Variants in ADARB2 observed in about 807,000 individuals in gnomAD.
ADARB2 encodes adenosine deaminase RNA specific B2 (inactive), also known as inactive double-stranded RNA-specific editase B2.
In ADARB2, 25 loss-of-function variants were observed where a neutral mutation model predicts 62.2. The ratio of observed to expected loss-of-function variants is 0.40; its 90% CI spans 0.29 to 0.56. The LOEUF (loss-of-function observed/expected upper bound fraction) is 0.56, where lower values mean the gene tolerates loss of function less well. Ranked by LOEUF, ADARB2 falls within the 20% of genes least tolerant of loss-of-function variation. The pLI, the probability that ADARB2 is intolerant of heterozygous loss-of-function variation, is 0.43. For missense variants in ADARB2, 1,071 were observed against 1,077.4 expected, an observed-to-expected ratio of 0.99 and a Z score of 0.08; for synonymous variants, 572 against 500.8, an observed-to-expected ratio of 1.14 and a Z score of -1.90.
chr10:1,672,630 T>G (rs1834402944), intron 1 of ADARB2, among the ~76,000 whole-genome samples: 2 of 65,624 alleles, frequency 3.0e-5, no homozygotes, highest in East Asian at 5.6e-4. Flanking sequence ...TGGACACACT[T>G]TCCCCTCCTC....
intron 1 of ADARB2, among the ~76,000 whole-genome samples, chr10:1,714,885 G>A (rs1834997659): frequency 6.6e-6 from 1 of 152,098 alleles, no homozygotes; most frequent in Non-Finnish European, 1.5e-5. Context: ...AAGTTTTAGG[G>A]TACATGTGCA....
intron 3 of ADARB2, among the ~76,000 whole-genome samples, chr10:1,335,033 G>A (rs1422718623): frequency 6.6e-6 from 1 of 152,174 alleles, no homozygotes; most frequent in Non-Finnish European, 1.5e-5. Flanking sequence ...TGGGTTAAGT[G>A]CCCAGGAGCT....
chr10:1,653,231 T>C (rs1466482928), intron 1 of ADARB2, among the ~76,000 whole-genome samples: 1 of 152,170 alleles, frequency 6.6e-6, no homozygotes, highest in East Asian at 1.9e-4. Flanking sequence ...GGAGGGAGAC[T>C]GGTGCCCAGG....
At chr10:1,387,173 G>A (rs796872930) in intron 1 of ADARB2, among the ~76,000 whole-genome samples, 16 of 151,920 alleles carry the variant, frequency 1.1e-4, no homozygotes, top group African/African-American at 2.9e-4. Context: ...ACAAAGAAAC[G>A]TCCAACATTA....
chr10:1,586,151 G>A (rs921306630), intron 1 of ADARB2, among the ~76,000 whole-genome samples: 2 of 152,140 alleles, frequency 1.3e-5, no homozygotes, highest in Non-Finnish European at 2.9e-5. Context: ...CCTTAACCTT[G>A]GCAAAATAAA....
At chr10:1,481,428 T>G (rs1831469086) in intron 1 of ADARB2, among the ~76,000 whole-genome samples, 3 of 152,110 alleles carry the variant, frequency 2.0e-5, no homozygotes, top group Non-Finnish European at 2.9e-5. Context: ...AAAGCATAGG[T>G]GATGAAAGAA....
Position 1,206,063 on chromosome 10 carries a change from G to A in ADARB2, c.1683-5916C>T, listed in dbSNP as rs1281855029. On this transcript the variant is annotated intron_variant, in intron 7 of 9. Transcript: ENST00000381312. ...GTGGGTGGGATATTCAGCCGCTTCCGATTATTTTCAGTAAATTACTTCCAG... is the reference window on the plus strand; with the variant it reads ...GTGGGTGGGATATTCAGCCGCTTCCAATTATTTTCAGTAAATTACTTCCAG... Among the ~76,000 whole-genome samples the A allele has an allele frequency of 2.0e-5, 3 of 152,204 alleles. No homozygotes were observed. The South Asian group carries it at 6.2e-4, about 31-fold the overall frequency.
intron 1 of ADARB2, among the ~76,000 whole-genome samples, chr10:1,414,778 C>T (rs1025286965): frequency 1.6e-4 from 25 of 152,218 alleles, no homozygotes; most frequent in African/African-American, 6.0e-4. Flanking sequence ...TTGTCACCCC[C>T]ATGACCTGGT....
intron 3 of ADARB2, among the ~76,000 whole-genome samples, chr10:1,284,091 C>A (rs1831392006): frequency 1.3e-5 from 2 of 151,962 alleles, no homozygotes; most frequent in East Asian, 3.9e-4. Flanking sequence ...AGGAGTTCAT[C>A]TGTTAATTCA....
At chr10:1,233,252 TG>T (rs2131770026) in intron 6 of ADARB2, among the ~76,000 whole-genome samples, 1 of 152,306 alleles carries the variant, frequency 6.6e-6, no homozygotes, top group South Asian at 2.1e-4. Context: ...ATAGTTCACC[TG>T]GGGAAACCCC....
intron 1 of ADARB2, among the ~76,000 whole-genome samples, chr10:1,488,663 T>G (rs913852505): frequency 1.3e-5 from 2 of 152,190 alleles, no homozygotes; most frequent in Non-Finnish European, 2.9e-5. Flanking sequence ...CTTTTCTTTT[T>G]GGCGAATGCA....
chr10:1,550,540 T>C (rs774702135), intron 1 of ADARB2, among the ~76,000 whole-genome samples: 5 of 152,226 alleles, frequency 3.3e-5, no homozygotes, highest in Non-Finnish European at 5.9e-5. Context: ...ATGGCCCACA[T>C]GGCCCAATTT....
At chr10:1,468,690 G>A (rs1206527392) in intron 1 of ADARB2, among the ~76,000 whole-genome samples, 1 of 152,168 alleles carries the variant, frequency 6.6e-6, no homozygotes, top group Non-Finnish European at 1.5e-5. Flanking sequence ...AACCCATTCT[G>A]GTCCAAGGAC....
At chr10:1,518,985 C>G (rs1406075468) in intron 1 of ADARB2, among the ~76,000 whole-genome samples, 1 of 152,078 alleles carries the variant, frequency 6.6e-6, no homozygotes, top group Non-Finnish European at 1.5e-5. Context: ...GTGGTGTGGT[C>G]ATATGCCTGC....
At chr10:1,531,568 G>A (rs754527888) in intron 1 of ADARB2, among the ~76,000 whole-genome samples, 10 of 152,152 alleles carry the variant, frequency 6.6e-5, no homozygotes, top group South Asian at 2.1e-4. Flanking sequence ...GACTGGGTGC[G>A]GTGGCTCACG....
In ADARB2 at chr10:1,311,184, C is replaced by T. The variant is rs187676562; in HGVS notation, c.1078-40115G>A. ...TCTCAAGCAAACCTCATTTCTCCTT[C>T]CATGGGGAATGGTGGGCACACCAGC... is the stretch of plus-strand genomic sequence containing the variant. On this transcript the variant is annotated intron_variant, in intron 3 of 9. Transcript: ENST00000381312. Among the ~76,000 whole-genome samples the T allele has an allele frequency of 1.1e-4, 17 of 152,340 alleles. No homozygotes were observed. In the East Asian group the frequency reaches 2.5e-3, roughly 23 times the overall value.
chr10:1,449,836 G>A (rs544918238), intron 1 of ADARB2, among the ~76,000 whole-genome samples: 1 of 152,318 alleles, frequency 6.6e-6, no homozygotes, highest in Admixed American at 6.5e-5. Flanking sequence ...ACCTAATTTA[G>A]ATAAACCCTT....
At chr10:1,710,144 T>C (rs538789007) in intron 1 of ADARB2, among the ~76,000 whole-genome samples, 43 of 152,330 alleles carry the variant, frequency 2.8e-4, no homozygotes, top group African/African-American at 9.9e-4. Flanking sequence ...TATGTCCTCA[T>C]TGTTAATGAT....
intron 1 of ADARB2, among the ~76,000 whole-genome samples, chr10:1,571,981 TG>T (rs1832943990): frequency 1.1e-5 from 1 of 89,822 alleles, no homozygotes; most frequent in Non-Finnish European, 2.2e-5. Flanking sequence ...GTGAGTGTGC[TG>T]GTGAGTGTGC....
Sources: gnomAD v4.1 joint callset for allele counts (sites outside exome capture counted in the v4.1 genomes callset) on GRCh38, gnomAD v4.1.1 for gene constraint, MANE v1.5 for transcripts, NCBI Gene and HGNC (gene_info 2026-07-23, HGNC 2026-07-21) for gene names.